DDX39A: variants seen among roughly 807,000 people sequenced by gnomAD.
The protein encoded by DDX39A is DExD-box helicase 39A, also known as ATP-dependent RNA helicase DDX39A.
DDX39A carries 13 observed loss-of-function variants against 46.3 expected under a neutral mutation model. The observed-to-expected ratio is 0.28, with a 90% CI of 0.18 to 0.45. The LOEUF is 0.45. Ranked by LOEUF, DDX39A falls within the 20% of genes least tolerant of loss-of-function variation. The pLI is 1.00. For missense variants in DDX39A, 352 were observed against 581.8 expected, an observed-to-expected ratio of 0.61 and a Z score of 4.06; for synonymous variants, 234 against 224.6, an observed-to-expected ratio of 1.04 and a Z score of -0.38.
Position 14,412,943 on chromosome 19 carries a change from C to T in DDX39A, c.208+70G>A. 6.5e-7 allele frequency: 1 copy of T among 1,536,720 alleles called. No homozygotes were observed. On this transcript the variant is annotated intron_variant, in intron 2 of 10. Transcript: ENST00000242776. This position sits in a 1 kb window ranked among gnomAD's most constrained non-coding sequence, Gnocchi z 4.4. ...CCACGGCAAACTGGAGGCGGCACCG[C>T]TCTGGGCGGGCAGGGCTGGTCTTGT... is the stretch of plus-strand genomic sequence containing the variant.
chr19:14,412,565 G>A lies in DDX39A; in HGVS notation c.322C>T (p.Pro108Ser). 6.2e-7 allele frequency: 1 copy of A among 1,608,854 alleles called. No individual in the cohort carries two copies. ...AGCCCACCCACCTGTCCGTTGACAG[G>A]CTCAATCTGCTGTAGGGTGGCCAGC... ...FVLATLQQIEPVNGQVTVLVM... is the reference protein window; with the variant it reads ...FVLATLQQIESVNGQVTVLVM... Residue 108 changes from proline (P) to serine (S), a missense_variant, in exon 3 of 11, where the codon CCT (proline) becomes TCT (serine). Physicochemically the swap from Pro to Ser is moderately conservative, Grantham distance 74. This residue lies in a region of DDX39A where 301 missense variants were observed against 469.9 expected (regional missense o/e 0.64). Coordinates refer to ENST00000242776, the MANE Select transcript of DDX39A (RefSeq NM_005804.4). The surrounding 1 kb of genome is among the most constrained non-coding windows in gnomAD (Gnocchi z 4.4).
chr19:14,413,043 C>T lies in DDX39A; in HGVS notation c.178G>A (p.Val60Met), dbSNP rs186936828. Residue 60 changes from valine (V) to methionine (M), a missense_variant, in exon 2 of 11, where the codon GTG becomes ATG. Physicochemically the swap from Val to Met is conservative, Grantham distance 21. Around this residue, in one of 3 missense-constraint regions of DDX39A, gnomAD observed 46 missense variants for 78.2 expected, o/e 0.59. Transcript: ENST00000242776. Reference protein sequence around the residue: ...LLKPELLRAIVDCGFEHPSEV... With the variant: ...LLKPELLRAIMDCGFEHPSEV... ...GAAGGATGCTCAAAGCCACAGTCCACGATGGCCCGCAGGAGCTCCGGCTTC... is the reference window on the plus strand; with the variant it reads ...GAAGGATGCTCAAAGCCACAGTCCATGATGGCCCGCAGGAGCTCCGGCTTC... 2.5e-6 allele frequency: 4 copies of T among 1,614,172 alleles called. No homozygotes were observed. Among genetic ancestry groups the T allele is most frequent in the Middle Eastern group, 1.6e-4 (1 of 6,062 alleles).
chr19:14,415,721 T>C (rs965966384), intron 1 of DDX39A, among the ~76,000 whole-genome samples: 11 of 152,086 alleles, frequency 7.2e-5, no homozygotes, highest in Admixed American at 7.2e-4. Flanking sequence ...TCCTCCTCCC[T>C]GGTTTCCCTG....
chr19:14,411,173 C>T lies in DDX39A; in HGVS notation c.430-1G>A. 6.4e-7 allele frequency: 1 copy of T among 1,573,278 alleles called. No individual in the cohort carries two copies. The highest frequency in any genetic ancestry group is 8.6e-7 in the Non-Finnish European group (1 of 1,160,082). On this transcript the variant is annotated splice_acceptor_variant, in intron 4 of 10. Coordinates refer to ENST00000242776, the MANE Select transcript of DDX39A (RefSeq NM_005804.4). LOFTEE classifies it high-confidence loss of function. The surrounding 1 kb of genome is among the most constrained non-coding windows in gnomAD (Gnocchi z 4.1). ...AGAGACCACCGAAGAACACAGACACCTATGGGGATGAGGAGGAAACCGCTC... is the reference window on the plus strand; with the variant it reads ...AGAGACCACCGAAGAACACAGACACTTATGGGGATGAGGAGGAAACCGCTC...
Position 14,409,965 on chromosome 19 carries a change from G to A in DDX39A, c.733-92C>T, listed in dbSNP as rs766547609. The A allele has an allele frequency of 6.0e-6, 9 of 1,497,440 alleles. No homozygotes were observed. Among genetic ancestry groups the A allele is most frequent in the South Asian group, 3.4e-5 (3 of 88,202 alleles). The allele number at this position is 1,497,440 out of a possible 1,614,324, so 92.8% of individuals were successfully genotyped here. On this transcript the variant is annotated intron_variant, in intron 6 of 10. Transcript: ENST00000242776. This position sits in a 1 kb window ranked among gnomAD's most constrained non-coding sequence, Gnocchi z 8.3. ...CTTCCAGTGGGCGACTCCTTTGTGC[G>A]ACACTTCCCAGAGGACCTGCTGCAC...
chr19:14,409,426 G>T lies in DDX39A; in HGVS notation c.996C>A (p.Phe332Leu), dbSNP rs772264761. 1.9e-6 allele frequency: 3 copies of T among 1,614,190 alleles called. No homozygotes were observed. The highest frequency in any genetic ancestry group is 1.7e-6 in the Non-Finnish European group (2 of 1,180,044). The change falls in exon 9 of 11, where the codon TTC becomes TTA. Residue 332 changes from phenylalanine to leucine, a missense_variant. Phe to Leu is a conservative substitution (Grantham distance 22, BLOSUM62 0). Coordinates refer to ENST00000242776, the MANE Select transcript of DDX39A (RefSeq NM_005804.4). This position sits in a 1 kb window ranked among gnomAD's most constrained non-coding sequence, Gnocchi z 8.3. ...CCAGGATCCGCCGCTGGAAATCCTTGAACTGCTGATAGCGTGACAGGCTGG... is the reference window on the plus strand; with the variant it reads ...CCAGGATCCGCCGCTGGAAATCCTTTAACTGCTGATAGCGTGACAGGCTGG... ...QEERLSRYQQ[F>L]KDFQRRILVA...
chr19:14,409,589 C>T lies in DDX39A; in HGVS notation c.921G>A (p.Val307=), dbSNP rs777803217. Residue 307 remains valine, a synonymous_variant, in exon 8 of 11, where the codon GTG becomes GTA. Coordinates refer to ENST00000242776, the MANE Select transcript of DDX39A (RefSeq NM_005804.4). The surrounding 1 kb of genome is among the most constrained non-coding windows in gnomAD (Gnocchi z 8.3). ...QRCMALAQLL[V]EQNFPAIAIH... ...TGGCGATGGCCGGGAAGTTCTGCTC[C>T]ACGAGGAGCTGGGCCAGGGCCATGC... The T allele has an allele frequency of 1.2e-6, 2 of 1,611,618 alleles. No individual in the cohort carries two copies. The highest frequency in any genetic ancestry group is 1.7e-5 in the Admixed American group (1 of 59,966).
chr19:14,411,943 C>T lies in DDX39A; in HGVS notation c.337-345G>A, dbSNP rs1976607836. Among the ~76,000 whole-genome samples the T allele has an allele frequency of 1.3e-5, 2 of 152,204 alleles. No homozygotes were observed. Among genetic ancestry groups the T allele is most frequent in the East Asian group, 1.9e-4 (1 of 5,198 alleles). ...CTGAATCTCGGCACTCGGGCGGCCC[C>T]GGTCTTCCCACCCGTGCCATCAGAC... is the stretch of plus-strand genomic sequence containing the variant. On this transcript the variant is annotated intron_variant, in intron 3 of 10. Coordinates refer to ENST00000242776, the MANE Select transcript of DDX39A (RefSeq NM_005804.4). The surrounding 1 kb of genome is among the most constrained non-coding windows in gnomAD (Gnocchi z 4.1).
chr19:14,413,627 G>GC (rs776762409), intron 1 of DDX39A, among the ~76,000 whole-genome samples: 48 of 152,140 alleles, frequency 3.2e-4, no homozygotes, highest in Non-Finnish European at 5.6e-4. Flanking sequence ...GGAATGCTCT[G>GC]CCCCCAGGTC....
intron 1 of DDX39A, 172 bp downstream of exon 1, chr19:14,419,098 C>T (rs1445520547): frequency 2.4e-6 from 1 of 415,374 alleles, no homozygotes; most frequent in Non-Finnish European, 4.8e-6. Flanking sequence ...AGCGCATGCG[C>T]CCCGGTGCCC....
Position 14,411,289 on chromosome 19 carries a change from C to G in DDX39A, c.430-117G>C. On this transcript the variant is annotated intron_variant, in intron 4 of 10. Coordinates refer to ENST00000242776, the MANE Select transcript of DDX39A (RefSeq NM_005804.4). The surrounding 1 kb of genome is among the most constrained non-coding windows in gnomAD (Gnocchi z 4.1). ...GGGACCAAGGCAGGCCTGAGAGCCT[C>G]CCGGGGCTCCACTCAAAGGCAGCCC... 1.6e-6 allele frequency: 2 copies of G among 1,260,112 alleles called. No individual in the cohort carries two copies. Among genetic ancestry groups the G allele is most frequent in the Non-Finnish European group, 2.2e-6 (2 of 915,460 alleles). 78.1% of individuals were successfully genotyped at this position (1,260,112 alleles called of 1,614,324 possible). A position where few individuals can be genotyped will look rare whatever the true frequency, so the allele number is the denominator to read the frequency against.
At position 14,410,865 on chromosome 19, in the gene DDX39A, C is replaced by T. The variant is rs1026532495; in HGVS notation, c.613+124G>A. 2 of 918,478 alleles carry T rather than the reference C, an allele frequency of 2.2e-6. No homozygotes were observed. The highest frequency in any genetic ancestry group is 1.9e-5 in the South Asian group (1 of 52,408). 56.9% of individuals were successfully genotyped at this position (918,478 alleles called of 1,614,324 possible). On this transcript the variant is annotated intron_variant, in intron 5 of 10. Coordinates refer to ENST00000242776, the MANE Select transcript of DDX39A (RefSeq NM_005804.4). This position sits in a 1 kb window ranked among gnomAD's most constrained non-coding sequence, Gnocchi z 4.3. ...CCCTCTGCCAGCAGCAGAGCTTTCC[C>T]CAAGATCACCACAGGAGCCCCGCCT...
In DDX39A at chr19:14,411,076, G is replaced by A; in HGVS notation, c.526C>T (p.Leu176=). 1.2e-6 allele frequency: 2 copies of A among 1,613,038 alleles called. No homozygotes were observed. The highest frequency in any genetic ancestry group is 1.7e-6 in the Non-Finnish European group (2 of 1,179,508). The change falls in exon 5 of 11, where the codon CTG becomes TTG. Residue 176 remains leucine, a synonymous_variant. Transcript: ENST00000242776. This position sits in a 1 kb window ranked among gnomAD's most constrained non-coding sequence, Gnocchi z 4.1. The part of the protein sequence containing the change: ...HVVVGTPGRI[L]ALVRNRSFSL... ...AAGCTCCTATTCCGCACGAGCGCCAGGATGCGGCCCGGGGTCCCCACCACG... is the reference window on the plus strand; with the variant it reads ...AAGCTCCTATTCCGCACGAGCGCCAAGATGCGGCCCGGGGTCCCCACCACG...
intron 1 of DDX39A, among the ~76,000 whole-genome samples, chr19:14,418,518 C>T (rs1338063944): frequency 1.3e-5 from 2 of 151,990 alleles, no homozygotes; most frequent in African/African-American, 4.8e-5. Flanking sequence ...AGTGCAGTGT[C>T]GCGATCTCGG....
intron 1 of DDX39A, among the ~76,000 whole-genome samples, chr19:14,415,446 T>A (rs1202508473): frequency 1.1e-4 from 17 of 151,896 alleles, no homozygotes; most frequent in Non-Finnish European, 1.5e-5. Context: ...AGGAGCTACA[T>A]GCGCCCGCCA....
At chr19:14,417,893 AGCGTGGT>A (rs1568331457) in intron 1 of DDX39A, among the ~76,000 whole-genome samples, 1 of 151,464 alleles carries the variant, frequency 6.6e-6, no homozygotes, top group Non-Finnish European at 1.5e-5. Context: ...ATTGGGGCCC[AGCGTGGT>A]GGCTCATGCC....
chr19:14,416,869 G>C (rs544455289), intron 1 of DDX39A, among the ~76,000 whole-genome samples: 59 of 152,180 alleles, frequency 3.9e-4, no homozygotes, highest in Non-Finnish European at 8.4e-4. Context: ...TTTTAGTAGA[G>C]ACAGTGTTTC....
Position 14,410,339 on chromosome 19 carries a change from G to A in DDX39A, c.614-5C>T, listed in dbSNP as rs1976525029. 3.1e-6 allele frequency: 5 copies of A among 1,613,252 alleles called. No homozygotes were observed. Among genetic ancestry groups the A allele is most frequent in the Admixed American group, 1.7e-5 (1 of 60,008 alleles). ...CCTGCACATCCCGCCGCATGTCTAG[G>A]TGGGGAGGGCAAGACATGGGTGGGC... On this transcript the variant is annotated splice_region_variant and splice_polypyrimidine_tract_variant and intron_variant, in intron 5 of 10. Coordinates refer to ENST00000242776, the MANE Select transcript of DDX39A (RefSeq NM_005804.4). This position sits in a 1 kb window ranked among gnomAD's most constrained non-coding sequence, Gnocchi z 4.3.
chr19:14,416,648 G>A (rs1976820542), intron 1 of DDX39A, among the ~76,000 whole-genome samples: 1 of 152,144 alleles, frequency 6.6e-6, no homozygotes, highest in Non-Finnish European at 1.5e-5. Context: ...AGACAAAGCT[G>A]GAAGAGCTGG....
Sources: gnomAD v4.1 joint callset for allele counts (sites outside exome capture counted in the v4.1 genomes callset) on GRCh38, gnomAD v4.1.1 for gene constraint, gnomAD v4.1.1 regional missense constraint, Gnocchi (gnomAD v3.1) non-coding constraint, MANE v1.5 for transcripts, NCBI Gene and HGNC (gene_info 2026-07-23, HGNC 2026-07-21) for gene names.